Variants in GRIP1 observed in about 807,000 individuals in gnomAD.
The protein encoded by GRIP1 is glutamate receptor-interacting protein 1.
In GRIP1, 45 loss-of-function variants were observed where a neutral mutation model predicts 129.9. The ratio of observed to expected loss-of-function variants is 0.35; its 90% confidence interval spans 0.27 to 0.44. GRIP1 has a LOEUF of 0.44. GRIP1 is among the 20% of genes least tolerant of loss of function. GRIP1 has a pLI of 1.00. For synonymous variants in GRIP1, 530 were observed against 520.8 expected (o/e 1.02, Z -0.24); for missense variants, 1,196 against 1,396.8 (o/e 0.86, Z 2.29).
chr12:66,925,129 G>A (rs2137378409), intron 1 of GRIP1, among the ~76,000 whole-genome samples: 2 of 152,286 alleles, frequency 1.3e-5, no homozygotes, highest in Middle Eastern at 6.8e-3. Flanking sequence ...GAGAGTATAA[G>A]TAAGTAATTC....
intron 4 of GRIP1, among the ~76,000 whole-genome samples, chr12:66,534,146 G>C (rs2061542498): frequency 6.6e-6 from 1 of 152,188 alleles, no homozygotes. Context: ...ATAGTAGAAA[G>C]AGACAGATTA....
intron 1 of GRIP1, among the ~76,000 whole-genome samples, chr12:66,771,730 G>C (rs2037824876): frequency 6.6e-6 from 1 of 152,132 alleles, no homozygotes; most frequent in African/African-American, 2.4e-5. Context: ...TGTTGGTTTA[G>C]AAAGAAAGAA....
chr12:66,772,482 G>C (rs1030915987), intron 1 of GRIP1, among the ~76,000 whole-genome samples: 2 of 152,160 alleles, frequency 1.3e-5, no homozygotes, highest in African/African-American at 4.8e-5. Flanking sequence ...CAATCCTGTT[G>C]GTGCCAAGCT....
intron 2 of GRIP1, among the ~76,000 whole-genome samples, chr12:66,581,606 A>G (rs1367104106): frequency 2.0e-5 from 3 of 151,168 alleles, no homozygotes; most frequent in Admixed American, 6.6e-5. Context: ...ACAAACTACC[A>G]TCAGAGAATA....
At chr12:66,596,698 A>C in intron 2 of GRIP1, 149 bp downstream of exon 2, 1 of 652,918 alleles carries the variant, frequency 1.5e-6, no homozygotes, top group South Asian at 1.8e-5. Flanking sequence ...TATTGTTTGA[A>C]CAAGTGTTGT....
intron 19 of GRIP1, among the ~76,000 whole-genome samples, chr12:66,388,541 A>C (rs546124070): frequency 3.3e-5 from 5 of 152,312 alleles, no homozygotes; most frequent in Admixed American, 3.3e-4. Flanking sequence ...CAGAGTTAGA[A>C]GGAAGAATTA....
At chr12:66,709,450 G>A (rs1000572517) in intron 1 of GRIP1, among the ~76,000 whole-genome samples, 5 of 151,824 alleles carry the variant, frequency 3.3e-5, no homozygotes, top group African/African-American at 9.7e-5. Flanking sequence ...CATCCTTTTC[G>A]TGGCAAAACC....
At chr12:66,629,806 C>A (rs1174768709) in intron 1 of GRIP1, among the ~76,000 whole-genome samples, 5 of 152,184 alleles carry the variant, frequency 3.3e-5, no homozygotes, top group African/African-American at 1.2e-4. Context: ...TCATCTATTA[C>A]ATTCCCATGT....
chr12:67,064,701 A>C (rs570933738), intron 1 of GRIP1, among the ~76,000 whole-genome samples: 1 of 152,318 alleles, frequency 6.6e-6, no homozygotes, highest in South Asian at 2.1e-4. Flanking sequence ...AAACAGGCCA[A>C]GTTTGTAGTA....
In GRIP1 at chr12:66,678,997, C is replaced by A; in HGVS notation, c.-93G>T. 6.2e-7 allele frequency: 1 copy of A among 1,600,714 alleles called. No individual in the cohort carries two copies. Among genetic ancestry groups the A allele is most frequent in the East Asian group, 2.3e-5 (1 of 43,776 alleles). On this transcript the variant is annotated 5_prime_UTR_variant, in exon 1 of 25. Coordinates refer to ENST00000359742, the MANE Select transcript of GRIP1 (RefSeq NM_001366722.1). ...AGCATATGAATTCCTTGCGCACATA[C>A]CAGGAGAAAGGTAGTCCCAGTGGGG... is the stretch of plus-strand genomic sequence containing the variant.
Position 67,010,944 on chromosome 12 carries a change from C to A in GRIP1, c.58+58106G>T, listed in dbSNP as rs1306657587. Among the ~76,000 whole-genome samples, 3 of 152,184 alleles carry A rather than the reference C, an allele frequency of 2.0e-5. 1 individual carries two copies. The highest frequency in any genetic ancestry group is 4.4e-5 in the Non-Finnish European group (3 of 68,022). ...ACTATAAATGCTTGAGTTCTCAGGA[C>A]TGAGGCCTAGTACCTTCCTCTCTGT... On this transcript the variant is annotated intron_variant, in intron 1 of 1. Transcript: ENST00000643019.
chr12:67,054,468 A>G (rs763242010), intron 1 of GRIP1, among the ~76,000 whole-genome samples: 11 of 152,054 alleles, frequency 7.2e-5, no homozygotes, highest in Non-Finnish European at 1.2e-4. Context: ...AAAAATAAAA[A>G]CACTACAGCT....
chr12:66,526,754 G>A (rs2061255896), intron 5 of GRIP1, among the ~76,000 whole-genome samples: 1 of 151,970 alleles, frequency 6.6e-6, no homozygotes, highest in Non-Finnish European at 1.5e-5. Context: ...CCTACAGAAT[G>A]GGAGAGAATT....
At chr12:66,679,261 C>A, upstream of GRIP1, 1 of 602,134 alleles carries the variant, frequency 1.7e-6, no homozygotes, top group Non-Finnish European at 2.5e-6. Context: ...CTGAACAGTG[C>A]ATTCTGTTTA....
At chr12:66,995,931 G>A (rs555790891) in intron 1 of GRIP1, among the ~76,000 whole-genome samples, 1 of 152,172 alleles carries the variant, frequency 6.6e-6, no homozygotes, top group South Asian at 2.1e-4. Context: ...CCAAATGTCC[G>A]TCAACTGATG....
intron 1 of GRIP1, among the ~76,000 whole-genome samples, chr12:66,940,718 A>G (rs1443991998): frequency 6.6e-6 from 1 of 152,208 alleles, no homozygotes; most frequent in Non-Finnish European, 1.5e-5. Flanking sequence ...CATTTTCTAC[A>G]AAGTTAAAAA....
At chr12:66,897,470 A>G (rs1466001093) in intron 1 of GRIP1, among the ~76,000 whole-genome samples, 2 of 152,208 alleles carry the variant, frequency 1.3e-5, no homozygotes, top group South Asian at 4.1e-4. Context: ...TTTAGGTCAG[A>G]AAAATACAAT....
intron 1 of GRIP1, among the ~76,000 whole-genome samples, chr12:66,942,569 A>T (rs897382691): frequency 6.6e-6 from 1 of 152,196 alleles, no homozygotes; most frequent in African/African-American, 2.4e-5. Context: ...TACTAATCAC[A>T]CCTGGCATCC....
chr12:66,620,777 C>T (rs1290896971), intron 1 of GRIP1, among the ~76,000 whole-genome samples: 1 of 151,896 alleles, frequency 6.6e-6, no homozygotes, highest in East Asian at 1.9e-4. Flanking sequence ...CTCACCCCCC[C>T]AACCCCTCCC....
Sources: gnomAD v4.1 joint callset for allele counts (sites outside exome capture counted in the v4.1 genomes callset) on GRCh38, gnomAD v4.1.1 for gene constraint, MANE v1.5 for transcripts, NCBI Gene and HGNC (gene_info 2026-07-23, HGNC 2026-07-21) for gene names.